PXK: variants seen among roughly 807,000 people sequenced by gnomAD.
PXK encodes the protein PX domain-containing protein kinase-like protein.
A neutral mutation model predicts 84.7 loss-of-function variants in PXK; 35 were observed. The observed-to-expected ratio is 0.41, with a 90% CI of 0.32 to 0.55. The LOEUF (loss-of-function observed/expected upper bound fraction) is 0.55, where lower values mean the gene tolerates loss of function less well. Ranked by LOEUF, PXK falls within the 20% of genes least tolerant of loss-of-function variation. PXK has a pLI of 0.21. For missense variants in PXK, 634 were observed against 699.7 expected, an observed-to-expected ratio of 0.91 and a Z score of 1.06; for synonymous variants, 253 against 260.8, an observed-to-expected ratio of 0.97 and a Z score of 0.29.
Position 58,391,804 on chromosome 3 carries a change from A to T in PXK, c.572A>T (p.Asp191Val), listed in dbSNP as rs2098634551. The change falls in exon 7 of 18, where the codon GAT becomes GTT. Residue 191 changes from aspartate (D) to valine (V), a missense_variant. This residue lies in a region of PXK where 353 missense variants were observed against 385.2 expected (regional missense o/e 0.92). Coordinates refer to ENST00000356151, the MANE Select transcript of PXK (RefSeq NM_017771.5). Reference protein sequence around the residue: ...ADLGPDKYLSDKDFQCLIKLL... With the variant: ...ADLGPDKYLSVKDFQCLIKLL... Reference sequence around the variant, plus strand: ...CTTGGCCCAGACAAGTATTTGTCAGATAAAGATTTTCAGTGTCTAATCAAA... The same window carrying T: ...CTTGGCCCAGACAAGTATTTGTCAGTTAAAGATTTTCAGTGTCTAATCAAA... 1.2e-6 allele frequency: 2 copies of T among 1,613,682 alleles called. No homozygotes were observed. Among genetic ancestry groups the T allele is most frequent in the Non-Finnish European group, 1.7e-6 (2 of 1,179,574 alleles).
In PXK at chr3:58,409,974, G is replaced by A; in HGVS notation, c.1396-116G>A. 1.5e-6 allele frequency: 1 copy of A among 680,264 alleles called. No individual in the cohort carries two copies. Among genetic ancestry groups the A allele is most frequent in the South Asian group, 1.8e-5 (1 of 56,228 alleles). 42.1% of individuals were successfully genotyped at this position (680,264 alleles called of 1,614,324 possible). On this transcript the variant is annotated intron_variant, in intron 15 of 17. Transcript: ENST00000356151. The surrounding 1 kb of genome is among the most constrained non-coding windows in gnomAD (Gnocchi z 4.2). Reference sequence around the variant, plus strand: ...AAGTTATGGGGCTGAATATTACCTTGTCTGCAGCTAGTTTAATGGTATGCC... The same window carrying A: ...AAGTTATGGGGCTGAATATTACCTTATCTGCAGCTAGTTTAATGGTATGCC...
At chr3:58,342,730 A>G (rs2097760442) in intron 1 of PXK, among the ~76,000 whole-genome samples, 1 of 152,154 alleles carries the variant, frequency 6.6e-6, no homozygotes, top group East Asian at 1.9e-4. Flanking sequence ...AAATATGTGC[A>G]TCTGAAAAAT....
chr3:58,382,889 A>G (rs1016495883), intron 4 of PXK, among the ~76,000 whole-genome samples, 189 bp downstream of exon 4: 1 of 152,260 alleles, frequency 6.6e-6, no homozygotes, highest in Non-Finnish European at 1.5e-5. Context: ...AAAATAAGTT[A>G]CTTCCAAAAT....
intron 17 of PXK, chr3:58,413,442 CTG>C (rs887513233): frequency 2.5e-5 from 4 of 158,832 alleles, no homozygotes; most frequent in Non-Finnish European, 4.2e-5. Context: ...CGATTTGACT[CTG>C]TTTTGCTCTG....
intron 3 of PXK, among the ~76,000 whole-genome samples, chr3:58,375,239 C>T (rs1391558381): frequency 6.6e-6 from 1 of 152,130 alleles, no homozygotes; most frequent in East Asian, 1.9e-4. Flanking sequence ...TGCTGCTATG[C>T]GGTAGTGCAG....
At chr3:58,374,764 G>A (rs959965752) in intron 3 of PXK, among the ~76,000 whole-genome samples, 2 of 152,174 alleles carry the variant, frequency 1.3e-5, no homozygotes, top group Non-Finnish European at 2.9e-5. Flanking sequence ...TAATTGGTAA[G>A]CAGTTTAGAA....
chr3:58,418,404 G>A (rs2061318595), intron 17 of PXK, among the ~76,000 whole-genome samples: 1 of 152,190 alleles, frequency 6.6e-6, no homozygotes, highest in Non-Finnish European at 1.5e-5. Context: ...CTAGAGCCAG[G>A]AGTGTAACTT....
chr3:58,373,083 CTTTT>C (rs71091374), intron 3 of PXK, among the ~76,000 whole-genome samples: 2 of 139,272 alleles, frequency 1.4e-5, no homozygotes, highest in Non-Finnish European at 1.6e-5. Context: ...TCCGTCATTT[CTTTT>C]TTTTTTTTTT....
intron 17 of PXK, chr3:58,423,063 C>T: frequency 4.1e-6 from 4 of 985,408 alleles, no homozygotes; most frequent in Non-Finnish European, 3.6e-6. Context: ...AGAGCTCACT[C>T]CTTCGGGCCC....
At chr3:58,393,784 C>G (rs1477991240) in intron 7 of PXK, among the ~76,000 whole-genome samples, 1 of 152,186 alleles carries the variant, frequency 6.6e-6, no homozygotes, top group East Asian at 1.9e-4. Flanking sequence ...ATGAAGCCCA[C>G]TAGCATTTTA....
chr3:58,415,143 A>C (rs751586485), intron 17 of PXK, among the ~76,000 whole-genome samples: 2 of 152,204 alleles, frequency 1.3e-5, no homozygotes, highest in Non-Finnish European at 2.9e-5. Context: ...TTCTGTGACC[A>C]AATGTCAGGG....
In PXK at chr3:58,333,197, C is replaced by A; in HGVS notation, c.102+107C>A. 3.2e-6 allele frequency: 2 copies of A among 634,916 alleles called. No homozygotes were observed. Among genetic ancestry groups the A allele is most frequent in the Non-Finnish European group, 4.0e-6 (2 of 505,564 alleles). 39.3% of individuals were successfully genotyped at this position (634,916 alleles called of 1,614,324 possible). Reference sequence around the variant, plus strand: ...GCAGGGTCGTCGGACGGAGACCGGGCCACAGGGTGGGCGGCCCTGGCCGAG... The same window carrying A: ...GCAGGGTCGTCGGACGGAGACCGGGACACAGGGTGGGCGGCCCTGGCCGAG... On this transcript the variant is annotated intron_variant, in intron 1 of 17. Transcript: ENST00000356151. This position sits in a 1 kb window ranked among gnomAD's most constrained non-coding sequence, Gnocchi z 5.4.
At chr3:58,375,343 G>GA (rs1205986951) in intron 3 of PXK, among the ~76,000 whole-genome samples, 7 of 151,456 alleles carry the variant, frequency 4.6e-5, no homozygotes, top group Non-Finnish European at 7.4e-5. Context: ...TTCTTTAATT[G>GA]AAAAAAAAGT....
chr3:58,380,290 G>C (rs116165318), intron 3 of PXK, among the ~76,000 whole-genome samples: 1 of 151,982 alleles, frequency 6.6e-6, no homozygotes, highest in Non-Finnish European at 1.5e-5. Context: ...ATGATTAGCT[G>C]TGTGTGGTGG....
intron 1 of PXK, among the ~76,000 whole-genome samples, chr3:58,356,209 C>T (rs2098076866): frequency 6.6e-6 from 1 of 152,184 alleles, no homozygotes; most frequent in Non-Finnish European, 1.5e-5. Context: ...CTTGACACAG[C>T]AGCCTCCCTG....
intron 17 of PXK, chr3:58,423,106 A>G (rs1436896105): frequency 5.1e-6 from 5 of 985,358 alleles, no homozygotes; most frequent in African/African-American, 1.7e-5. Context: ...CTCAGTTCCA[A>G]AAACCTTCAG....
intron 3 of PXK, among the ~76,000 whole-genome samples, chr3:58,374,458 G>A (rs1267950230): frequency 6.6e-6 from 1 of 152,150 alleles, no homozygotes; most frequent in Non-Finnish European, 1.5e-5. Context: ...ACAGGTGTGA[G>A]CCACGGCGCC....
intron 1 of PXK, among the ~76,000 whole-genome samples, chr3:58,338,610 A>G (rs1396777989): frequency 6.6e-6 from 1 of 151,982 alleles, no homozygotes; most frequent in African/African-American, 2.4e-5. Flanking sequence ...GCGACAGAGC[A>G]AGACTCCGTC....
At chr3:58,389,464 C>T (rs1576437053) in intron 4 of PXK, among the ~76,000 whole-genome samples, 1 of 152,232 alleles carries the variant, frequency 6.6e-6, no homozygotes, top group East Asian at 1.9e-4. Flanking sequence ...GAAAAATATA[C>T]ATTTTCACAT....
Sources: allele counts gnomAD v4.1 joint callset (sites outside exome capture counted in the v4.1 genomes callset), GRCh38; gene constraint gnomAD v4.1.1; regional missense constraint gnomAD v4.1.1; non-coding constraint Gnocchi (gnomAD v3.1); transcripts MANE v1.5; gene names NCBI Gene and HGNC (gene_info 2026-07-23, HGNC 2026-07-21).